Variants in PSMD1 observed in about 807,000 individuals in gnomAD.
The protein encoded by PSMD1 is proteasome 26S subunit, non-ATPase 1.
In PSMD1, 18 loss-of-function variants were observed where a neutral mutation model predicts 119.0. That is an observed-to-expected ratio of 0.15 (90% CI 0.10 to 0.22). PSMD1 has a LOEUF of 0.22. Ranked by LOEUF, PSMD1 falls within the 10% of genes least tolerant of loss-of-function variation. The probability of loss-of-function intolerance (pLI) is 1.00; values close to 1 mark genes in which losing one functional copy is unlikely to be tolerated. For missense variants in PSMD1, 702 were observed against 1,158.5 expected, an observed-to-expected ratio of 0.61 and a Z score of 5.72; for synonymous variants, 374 against 396.6, an observed-to-expected ratio of 0.94 and a Z score of 0.68.
At chr2:231,157,589 G>T (rs1239582619) in intron 19 of PSMD1, among the ~76,000 whole-genome samples, 1 of 148,848 alleles carries the variant, frequency 6.7e-6, no homozygotes, top group Non-Finnish European at 1.5e-5. Context: ...TTTTTTTTGG[G>T]GGGGGCCAAT....
At position 231,109,008 on chromosome 2, in the gene PSMD1, C is replaced by T. The variant is rs377419999; in HGVS notation, c.1883+21827C>T. ...CCTAGGACCTTTGAGGCTCTCTGTT[C>T]GTTGGAAATGGTCTGCACTGACTTT... On this transcript the variant is annotated intron_variant, in intron 16 of 24. Transcript: ENST00000308696. 23 of 1,614,060 alleles carry T rather than the reference C, an allele frequency of 1.4e-5. No homozygotes were observed. Among genetic ancestry groups the T allele is most frequent in the African/African-American group, 1.2e-4 (9 of 74,926 alleles).
chr2:231,080,095 T>C, intron 11 of PSMD1, 46 bp from the exon 12 acceptor site: 1 of 1,515,146 alleles, frequency 6.6e-7, no homozygotes, highest in Non-Finnish European at 8.9e-7. Flanking sequence ...TCTTTTTTCT[T>C]CTTACTTTCT....
At chr2:231,118,525 G>A (rs192754017) in intron 16 of PSMD1, among the ~76,000 whole-genome samples, 280 of 152,136 alleles carry the variant, frequency 1.8e-3, no homozygotes, top group Middle Eastern at 6.8e-3. Flanking sequence ...TTTTATATAC[G>A]GTACAGGAAA....
chr2:231,162,117 C>T (rs1696654551), intron 20 of PSMD1, among the ~76,000 whole-genome samples: 1 of 152,208 alleles, frequency 6.6e-6, no homozygotes, highest in African/African-American at 2.4e-5. Context: ...TGACTTAAGT[C>T]AGAAATTTAA....
intron 21 of PSMD1, 140 bp from the exon 22 acceptor site, chr2:231,165,034 TTATATATATATATATATATATATATA>T (rs66656378): frequency 0.033 from 717 of 22,040 alleles, 28 homozygotes; most frequent in African/African-American, 0.15. Flanking sequence ...TTATATATAT[TTATATATATATATATATATATATATA>T]TATATATATA....
chr2:231,078,113 CAA>C (rs937647289), intron 9 of PSMD1, among the ~76,000 whole-genome samples: 2 of 152,130 alleles, frequency 1.3e-5, no homozygotes, highest in Non-Finnish European at 2.9e-5. Flanking sequence ...ACTTAAAATA[CAA>C]AAATTAGCCG....
At chr2:231,135,240 A>C (rs899149283) in intron 16 of PSMD1, among the ~76,000 whole-genome samples, 2 of 152,188 alleles carry the variant, frequency 1.3e-5, no homozygotes, top group African/African-American at 4.8e-5. Flanking sequence ...TTGGTGTAAT[A>C]TCATTTTAAA....
chr2:231,165,966 G>A lies in PSMD1; in HGVS notation c.2664G>A (p.Gln888=). Residue 888 remains glutamine, a synonymous_variant, in exon 23 of 25, where the codon CAG becomes CAA. Coordinates refer to ENST00000308696, the MANE Select transcript of PSMD1 (RefSeq NM_002807.4). ...ACCCAGCCCGAGTTATGCCTGCCCA[G>A]CTTAAGGTCCTAACCATGCCGGAGA... ...LDNPARVMPA[Q]LKVLTMPETC... The A allele has an allele frequency of 6.2e-7, 1 of 1,613,984 alleles. No homozygotes were observed. Among genetic ancestry groups the A allele is most frequent in the Non-Finnish European group, 8.5e-7 (1 of 1,179,922 alleles).
chr2:231,077,632 G>T (rs1475388708), intron 9 of PSMD1, among the ~76,000 whole-genome samples: 1 of 151,774 alleles, frequency 6.6e-6, no homozygotes, highest in Non-Finnish European at 1.5e-5. Flanking sequence ...TTCTTACCTT[G>T]TTGCAGTGTT....
At chr2:231,171,328 C>A (rs1696905317) in intron 24 of PSMD1, among the ~76,000 whole-genome samples, 1 of 152,126 alleles carries the variant, frequency 6.6e-6, no homozygotes, top group South Asian at 2.1e-4. Context: ...GTTAGACTAA[C>A]CACAAGGCTG....
Position 231,172,639 on chromosome 2 carries a change from T to A in PSMD1, c.*114T>A, listed in dbSNP as rs1258016477. 6.6e-6 allele frequency: 1 copy of A among 152,220 alleles called. No individual in the cohort carries two copies. Among genetic ancestry groups the A allele is most frequent in the African/African-American group, 2.4e-5 (1 of 41,448 alleles). The allele number at this position is 152,220 out of a possible 1,614,324, so 9.4% of individuals were successfully genotyped here. A position where few individuals can be genotyped will look rare whatever the true frequency, so the allele number is the denominator to read the frequency against. ...TATTCAATGCATGTATCGTTGCCTCTGCACTGACCTGAAGAACCCTGTCTC... is the reference window on the plus strand; with the variant it reads ...TATTCAATGCATGTATCGTTGCCTCAGCACTGACCTGAAGAACCCTGTCTC... On this transcript the variant is annotated 3_prime_UTR_variant, in exon 25 of 25. Transcript: ENST00000308696.
At chr2:231,120,448 C>T (rs902135990) in intron 16 of PSMD1, among the ~76,000 whole-genome samples, 7 of 151,952 alleles carry the variant, frequency 4.6e-5, no homozygotes, top group African/African-American at 1.4e-4. Context: ...ATGGACAAGA[C>T]AATAAAAAAC....
intron 1 of PSMD1, among the ~76,000 whole-genome samples, chr2:231,058,918 G>A (rs1485525371): frequency 6.6e-6 from 1 of 151,954 alleles, no homozygotes; most frequent in Non-Finnish European, 1.5e-5. Context: ...CCACAGCTCT[G>A]TAATTGCCTT....
chr2:231,120,976 G>A (rs977887207), intron 16 of PSMD1, among the ~76,000 whole-genome samples: 3 of 152,190 alleles, frequency 2.0e-5, no homozygotes, highest in African/African-American at 7.2e-5. Context: ...CTTGGTATTT[G>A]AAGTCAGGTT....
intron 16 of PSMD1, among the ~76,000 whole-genome samples, chr2:231,117,087 T>C (rs1263281897): frequency 6.6e-6 from 1 of 152,054 alleles, no homozygotes; most frequent in Non-Finnish European, 1.5e-5. Context: ...GTCTAGAGAC[T>C]TTCATTCTAA....
intron 5 of PSMD1, among the ~76,000 whole-genome samples, chr2:231,069,421 A>T (rs1359144394): frequency 6.6e-6 from 1 of 152,218 alleles, no homozygotes; most frequent in African/African-American, 2.4e-5. Context: ...ACACTCCTGT[A>T]GCTTTCAGTG....
chr2:231,085,710 A>G (rs957133083), intron 15 of PSMD1, among the ~76,000 whole-genome samples: 32 of 151,852 alleles, frequency 2.1e-4, no homozygotes, highest in African/African-American at 7.2e-4. Context: ...TGCACAGGAA[A>G]GCCAATGCAC....
At chr2:231,087,289 C>A (rs1243983190) in intron 16 of PSMD1, 108 bp downstream of exon 16, 11 of 840,058 alleles carry the variant, frequency 1.3e-5, no homozygotes, top group Non-Finnish European at 2.1e-5. Context: ...AAACTAAATA[C>A]CTGAGGAGTA....
At chr2:231,117,904 T>C (rs1695398530) in intron 16 of PSMD1, among the ~76,000 whole-genome samples, 1 of 152,124 alleles carries the variant, frequency 6.6e-6, no homozygotes, top group African/African-American at 2.4e-5. Flanking sequence ...AACAGTTACA[T>C]GGGGTTATTT....
Sources: allele counts gnomAD v4.1 joint callset (sites outside exome capture counted in the v4.1 genomes callset), GRCh38; gene constraint gnomAD v4.1.1; transcripts MANE v1.5; gene names NCBI Gene and HGNC (gene_info 2026-07-23, HGNC 2026-07-21).